MMRN1: variants seen among roughly 807,000 people sequenced by gnomAD.
MMRN1 encodes the protein multimerin 1.
Under a neutral mutation model 100.7 loss-of-function variants are expected in MMRN1, and 94 were observed. That is an observed-to-expected ratio of 0.93 (90% CI 0.79 to 1.11). The LOEUF (loss-of-function observed/expected upper bound fraction) is 1.11, where lower values mean the gene tolerates loss of function less well. Ranked by LOEUF, MMRN1 falls within the 50% of genes least tolerant of loss-of-function variation. The pLI, the probability that MMRN1 is intolerant of heterozygous loss-of-function variation, is 0.00. For missense variants in MMRN1, 1,606 were observed against 1,439.1 expected, an observed-to-expected ratio of 1.12 and a Z score of -1.88; for synonymous variants, 575 against 505.0, an observed-to-expected ratio of 1.14 and a Z score of -1.86.
upstream of MMRN1, among the ~76,000 whole-genome samples, chr4:89,894,410 G>A (rs1297343318): frequency 6.6e-6 from 1 of 152,156 alleles, no homozygotes; most frequent in African/African-American, 2.4e-5. Context: ...AAAGGATAGA[G>A]ACACTGTAAA....
chr4:89,932,309 C>T (rs1353548251), intron 5 of MMRN1, among the ~76,000 whole-genome samples: 1 of 152,162 alleles, frequency 6.6e-6, no homozygotes, highest in African/African-American at 2.4e-5. Flanking sequence ...TTGCAGGGTA[C>T]AGCCTCTCTT....
intron 2 of MMRN1, among the ~76,000 whole-genome samples, chr4:89,911,098 T>C (rs138737462): frequency 6.7e-4 from 101 of 151,602 alleles, no homozygotes; most frequent in African/African-American, 2.4e-3. Flanking sequence ...GCCTTCATCA[T>C]AAACTAAAAT....
At chr4:89,885,164 TTCTC>T (rs1025877866) in intron 1 of MMRN1, among the ~76,000 whole-genome samples, 3 of 149,692 alleles carry the variant, frequency 2.0e-5, no homozygotes, top group African/African-American at 7.3e-5. Flanking sequence ...CTTTTTTCCT[TTCTC>T]TCTTTCTCTT....
intron 6 of MMRN1, among the ~76,000 whole-genome samples, chr4:89,938,023 A>C (rs890252392): frequency 4.6e-5 from 7 of 151,988 alleles, no homozygotes; most frequent in Non-Finnish European, 7.4e-5. Flanking sequence ...TTCTCATATG[A>C]GTCTGCTGTT....
At position 89,908,005 on chromosome 4, in the gene MMRN1, C is replaced by A. The variant is rs114124795; in HGVS notation, c.624-1271C>A. Among the ~76,000 whole-genome samples, 1,134 of 151,226 alleles carry A rather than the reference C, an allele frequency of 7.5e-3. 15 individuals carry two copies. The highest frequency in any genetic ancestry group is 0.021 in the Admixed American group (314 of 15,092). The stretch of plus-strand genomic sequence containing the variant: ...TAGTATTCAGTCCAAGATTCAAGGG[C>A]ACCCCTATATTGACTTTTAAAATGA... On this transcript the variant is annotated intron_variant, in intron 1 of 7. Coordinates refer to ENST00000264790, the MANE Select transcript of MMRN1 (RefSeq NM_007351.3).
rs1410407876 is a variant in MMRN1 at position 89,936,559 on chromosome 4, A to G, written c.2879A>G (p.Gln960Arg). ...KHSLPDIQLL[Q>R]KGLTEFVEPI... Reference sequence around the variant, plus strand: ...TCCCTGCCAGATATTCAACTTCTTCAGAAAGGTCTAACAGAATTTGTGGAA... The same window carrying G: ...TCCCTGCCAGATATTCAACTTCTTCGGAAAGGTCTAACAGAATTTGTGGAA... Residue 960 changes from glutamine (Q) to arginine (R), a missense_variant, in exon 6 of 8, where the codon CAG becomes CGG. Coordinates refer to ENST00000264790, the MANE Select transcript of MMRN1 (RefSeq NM_007351.3). 3.1e-6 allele frequency: 5 copies of G among 1,612,526 alleles called. No homozygotes were observed. The highest frequency in any genetic ancestry group is 4.2e-6 in the Non-Finnish European group (5 of 1,179,468).
chr4:89,915,310 G>C (rs1721876865), intron 3 of MMRN1, among the ~76,000 whole-genome samples: 3 of 151,484 alleles, frequency 2.0e-5, no homozygotes, highest in African/African-American at 7.3e-5. Flanking sequence ...ATTTAGTGAA[G>C]AACACTCTGT....
At chr4:89,925,302 ATTTTTTTTTTT>A (rs1176427401) in intron 4 of MMRN1, among the ~76,000 whole-genome samples, 2 of 101,962 alleles carry the variant, frequency 2.0e-5, no homozygotes, top group African/African-American at 8.7e-5. Flanking sequence ...TGCCTGGTTA[ATTTTTTTTTTT>A]TTTTTTTTTT....
intron 1 of MMRN1, among the ~76,000 whole-genome samples, chr4:89,899,714 A>G (rs776893709): frequency 6.6e-6 from 1 of 152,122 alleles, no homozygotes; most frequent in African/African-American, 2.4e-5. Context: ...GGCTAGTTCC[A>G]TAACTAGAAA....
chr4:89,931,773 T>A (rs1722445070), intron 5 of MMRN1, among the ~76,000 whole-genome samples: 1 of 151,928 alleles, frequency 6.6e-6, no homozygotes, highest in Non-Finnish European at 1.5e-5. Flanking sequence ...ATGGGAAAAA[T>A]CCCTCCCCAT....
At chr4:89,931,997 A>C (rs1722455610) in intron 5 of MMRN1, among the ~76,000 whole-genome samples, 1 of 152,162 alleles carries the variant, frequency 6.6e-6, no homozygotes, top group African/African-American at 2.4e-5. Context: ...AAGAGTCCAC[A>C]GTCTGAAATC....
chr4:89,894,106 T>C (rs888734295), upstream of MMRN1, among the ~76,000 whole-genome samples: 2 of 152,112 alleles, frequency 1.3e-5, no homozygotes, highest in Non-Finnish European at 2.9e-5. Context: ...TATCCCTTAC[T>C]AGTAAAATAT....
At chr4:89,946,466 A>G (rs1168077519) in intron 6 of MMRN1, among the ~76,000 whole-genome samples, 1 of 152,226 alleles carries the variant, frequency 6.6e-6, no homozygotes, top group Non-Finnish European at 1.5e-5. Context: ...AAAGTATATG[A>G]TAGATAACAT....
chr4:89,953,119 T>C lies in MMRN1; in HGVS notation c.3388T>C (p.Tyr1130His), dbSNP rs200063983. The C allele has an allele frequency of 1.4e-5, 22 of 1,613,800 alleles. No homozygotes were observed. Among genetic ancestry groups the C allele is most frequent in the Non-Finnish European group, 1.9e-5 (22 of 1,179,894 alleles). ...CTTGGATGTCAATTATGGAGCTTCATATACCCCAAGAACTGGAAAATTTAG... is the reference window on the plus strand; with the variant it reads ...CTTGGATGTCAATTATGGAGCTTCACATACCCCAAGAACTGGAAAATTTAG... Reference protein sequence around the residue: ...NNLDVNYGASYTPRTGKFRIP... With the variant: ...NNLDVNYGASHTPRTGKFRIP... Residue 1130 changes from tyrosine to histidine, a missense_variant, in exon 8 of 8, where the codon TAT becomes CAT. Coordinates refer to ENST00000264790, the MANE Select transcript of MMRN1 (RefSeq NM_007351.3).
At chr4:89,896,765 A>G (rs1214591285) in intron 1 of MMRN1, among the ~76,000 whole-genome samples, 2 of 152,186 alleles carry the variant, frequency 1.3e-5, no homozygotes, top group African/African-American at 4.8e-5. Context: ...ATTCTAGCCA[A>G]TGAATTTACT....
At chr4:89,893,870 A>G (rs1648346324), upstream of MMRN1, among the ~76,000 whole-genome samples, 1 of 152,148 alleles carries the variant, frequency 6.6e-6, no homozygotes. Flanking sequence ...ATGAAATTTT[A>G]TAGATAAGAG....
intron 6 of MMRN1, among the ~76,000 whole-genome samples, chr4:89,949,996 G>A (rs1360839837): frequency 6.6e-6 from 1 of 152,130 alleles, no homozygotes; most frequent in Non-Finnish European, 1.5e-5. Flanking sequence ...GAGTAACTGT[G>A]GCAAGTAGTA....
At chr4:89,948,608 G>A (rs1723064149) in intron 6 of MMRN1, among the ~76,000 whole-genome samples, 1 of 152,174 alleles carries the variant, frequency 6.6e-6, no homozygotes, top group Admixed American at 6.5e-5. Flanking sequence ...AGAAGTGTAA[G>A]TTCATTTCAG....
chr4:89,946,304 G>A (rs181699158), intron 6 of MMRN1, among the ~76,000 whole-genome samples: 5 of 152,256 alleles, frequency 3.3e-5, no homozygotes, highest in African/African-American at 7.2e-5. Context: ...CAGGCAAAAC[G>A]ATAAGTTCCC....
Sources: allele counts gnomAD v4.1 joint callset (sites outside exome capture counted in the v4.1 genomes callset), GRCh38; gene constraint gnomAD v4.1.1; transcripts MANE v1.5; gene names NCBI Gene and HGNC (gene_info 2026-07-23, HGNC 2026-07-21).